Variants in IL1RAPL2 observed in about 807,000 individuals in gnomAD.
The protein encoded by IL1RAPL2 is X-linked interleukin-1 receptor accessory protein-like 2.
In IL1RAPL2, 3 loss-of-function variants were observed where a neutral mutation model predicts 44.1. The observed-to-expected ratio is 0.07, with a 90% CI of 0.03 to 0.18. IL1RAPL2 has a LOEUF of 0.18. Ranked by LOEUF, IL1RAPL2 falls within the 10% of genes least tolerant of loss-of-function variation. IL1RAPL2 has a pLI of 1.00. For missense variants in IL1RAPL2, 391 were observed against 496.4 expected (o/e 0.79, Z 2.02); for synonymous variants, 181 against 178.8 (o/e 1.01, Z -0.10).
At chrX:104,973,526 AG>A (rs1362228287) in intron 2 of IL1RAPL2, among the ~76,000 whole-genome samples, 2 of 111,966 alleles carry the variant, frequency 1.8e-5, no homozygotes, top group Non-Finnish European at 3.8e-5. Context: ...AAGCTAAAGG[AG>A]GGAGTTACAT....
chrX:105,303,420 TTTCATGGG>T (rs1235020719), intron 5 of IL1RAPL2, among the ~76,000 whole-genome samples: 2 of 111,816 alleles, frequency 1.8e-5, no homozygotes, highest in Non-Finnish European at 3.8e-5. Flanking sequence ...TTTTCATTAT[TTTCATGGG>T]TTCATAGGTG....
intron 2 of IL1RAPL2, among the ~76,000 whole-genome samples, chrX:104,790,436 C>CG (rs1380377781): frequency 9.0e-6 from 1 of 111,254 alleles, no homozygotes; most frequent in Non-Finnish European, 1.9e-5. Context: ...TGAAGGGTGA[C>CG]GAGAACCACT....
At chrX:104,737,968 C>T (rs753905878) in intron 2 of IL1RAPL2, among the ~76,000 whole-genome samples, 1 of 112,124 alleles carries the variant, frequency 8.9e-6, no homozygotes, top group Non-Finnish European at 1.9e-5. Context: ...TGGTAATTCC[C>T]GTGGACTAGT....
At chrX:105,033,262 C>G (rs138964413) in intron 2 of IL1RAPL2, among the ~76,000 whole-genome samples, 1,251 of 111,461 alleles carry the variant, frequency 0.011, 13 homozygotes, top group African/African-American at 0.039. Context: ...TTGATCCTGT[C>G]ATTATGACGT....
At chrX:104,588,222 C>T (rs185647398) in intron 1 of IL1RAPL2, among the ~76,000 whole-genome samples, 2 of 111,191 alleles carry the variant, frequency 1.8e-5, no homozygotes, top group East Asian at 2.8e-4. Flanking sequence ...CTCCCCTCCC[C>T]GCCCCTCCAC....
chrX:104,931,320 GA>G (rs1452614048), intron 2 of IL1RAPL2, among the ~76,000 whole-genome samples: 2 of 101,328 alleles, frequency 2.0e-5, no homozygotes, highest in Non-Finnish European at 4.0e-5. Flanking sequence ...CATGGCAAAA[GA>G]AAATGTGAAG....
At chrX:105,091,981 C>T (rs895952860) in intron 2 of IL1RAPL2, among the ~76,000 whole-genome samples, 1 of 112,086 alleles carries the variant, frequency 8.9e-6, no homozygotes, top group African/African-American at 3.2e-5. Context: ...GTTTTGTAAA[C>T]CATACACAAA....
At chrX:105,681,940 C>A (rs1472269433) in intron 6 of IL1RAPL2, among the ~76,000 whole-genome samples, 1 of 110,739 alleles carries the variant, frequency 9.0e-6, no homozygotes, top group East Asian at 2.8e-4. Flanking sequence ...CATATGCTTT[C>A]AAGAAAGGAT....
chrX:105,728,371 C>T (rs2038370476), intron 7 of IL1RAPL2, among the ~76,000 whole-genome samples: 1 of 111,357 alleles, frequency 9.0e-6, no homozygotes. Context: ...TTAAAAAATG[C>T]ATTCATTTAT....
intron 2 of IL1RAPL2, among the ~76,000 whole-genome samples, chrX:105,118,849 A>G (rs1049889440): frequency 1.8e-5 from 2 of 112,261 alleles, no homozygotes; most frequent in Admixed American, 1.9e-4. Context: ...CACAGCCCCA[A>G]TAAAAATGAG....
chrX:105,521,652 C>G (rs1405620587), intron 6 of IL1RAPL2, among the ~76,000 whole-genome samples: 1 of 112,053 alleles, frequency 8.9e-6, no homozygotes, highest in Non-Finnish European at 1.9e-5. Context: ...TGGCACTTCT[C>G]TCTCCTGCCA....
chrX:105,668,100 G>A (rs1299725317), intron 6 of IL1RAPL2, among the ~76,000 whole-genome samples: 2 of 107,863 alleles, frequency 1.9e-5, no homozygotes, highest in Non-Finnish European at 3.8e-5. Context: ...ACATTAGAAC[G>A]AGGGGGTATA....
At chrX:104,941,447 T>C (rs1455919426) in intron 2 of IL1RAPL2, among the ~76,000 whole-genome samples, 2 of 112,141 alleles carry the variant, frequency 1.8e-5, no homozygotes, top group African/African-American at 6.5e-5. Context: ...ATTTCTCTGA[T>C]GGTCAGTGAT....
intron 6 of IL1RAPL2, among the ~76,000 whole-genome samples, chrX:105,592,633 A>G (rs2037180648): frequency 8.9e-6 from 1 of 111,850 alleles, no homozygotes; most frequent in African/African-American, 3.2e-5. Flanking sequence ...GGTGGTAACA[A>G]ATTTCCTTAC....
intron 5 of IL1RAPL2, among the ~76,000 whole-genome samples, chrX:105,363,308 A>ATAAT (rs1491419366): frequency 8.8e-4 from 60 of 68,547 alleles, no homozygotes; most frequent in Admixed American, 1.7e-3. Context: ...ATATATATAT[A>ATAAT]ATATATATAT....
intron 6 of IL1RAPL2, among the ~76,000 whole-genome samples, chrX:105,583,463 G>A (rs970305781): frequency 8.9e-6 from 1 of 111,786 alleles, no homozygotes; most frequent in Non-Finnish European, 1.9e-5. Context: ...TTGATGCAAG[G>A]ATACTCAGGT....
intron 5 of IL1RAPL2, among the ~76,000 whole-genome samples, chrX:105,280,459 C>G (rs931458832): frequency 5.4e-5 from 6 of 111,630 alleles, no homozygotes; most frequent in African/African-American, 1.6e-4. Context: ...AGCTTCTGCA[C>G]AGCAAAAGAA....
chrX:105,013,639 T>A (rs1017022950), intron 2 of IL1RAPL2, among the ~76,000 whole-genome samples: 2 of 110,592 alleles, frequency 1.8e-5, no homozygotes, highest in African/African-American at 6.6e-5. Context: ...CCCTTTGTCC[T>A]GACGATTCTC....
intron 6 of IL1RAPL2, among the ~76,000 whole-genome samples, chrX:105,579,719 C>T (rs1486945859): frequency 8.9e-6 from 1 of 111,851 alleles, no homozygotes; most frequent in African/African-American, 3.2e-5. Flanking sequence ...CTAACTTGCT[C>T]AAGATCACGT....
Sources: gnomAD v4.1 joint callset for allele counts (sites outside exome capture counted in the v4.1 genomes callset) on GRCh38, gnomAD v4.1.1 for gene constraint, MANE v1.5 for transcripts, NCBI Gene and HGNC (gene_info 2026-07-23, HGNC 2026-07-21) for gene names.